The following PDCD11 variants were observed in gnomAD, a reference collection of about 807,000 sequenced individuals.
PDCD11 encodes the protein programmed cell death 11, also known as protein RRP5 homolog.
A neutral mutation model predicts 198.9 loss-of-function variants in PDCD11; 97 were observed. The ratio of observed to expected loss-of-function variants is 0.49; its 90% CI spans 0.41 to 0.58. The LOEUF is 0.58. PDCD11 is among the 20% of genes least tolerant of loss of function. The probability of loss-of-function intolerance (pLI) is 0.00; values close to 1 mark genes in which losing one functional copy is unlikely to be tolerated. For missense variants in PDCD11, 2,102 were observed against 2,312.7 expected (o/e 0.91, Z 1.87); for synonymous variants, 893 against 918.0 (o/e 0.97, Z 0.49).
chr10:103,427,282 G>A, intron 20 of PDCD11, 47 bp from the exon 21 acceptor site: 1 of 1,525,234 alleles, frequency 6.6e-7, no homozygotes, highest in Non-Finnish European at 9.1e-7. Context: ...ACAGATTACT[G>A]TGTTACAGAG....
At chr10:103,427,968 T>G (rs553784542) in intron 21 of PDCD11, among the ~76,000 whole-genome samples, 5 of 152,190 alleles carry the variant, frequency 3.3e-5, no homozygotes, top group Non-Finnish European at 2.9e-5. Context: ...TCCAGCCAGG[T>G]TGTAAATCTT....
In PDCD11 at chr10:103,442,385, C is replaced by T. The variant is rs1382879537; in HGVS notation, c.4880C>T (p.Ala1627Val). ...NSSILWLQYM[A>V]FHLQATEIEK... is the part of the protein sequence containing the mutation. ...TCCATTCTGTGGCTGCAGTACATGG[C>T]TTTCCACCTGCAGGCCACGGAGATC... The change falls in exon 32 of 36, where the codon GCT (alanine) becomes GTT (valine). Residue 1627 changes from alanine (A) to valine (V), a missense_variant. Transcript: ENST00000369797. 6.2e-7 allele frequency: 1 copy of T among 1,614,216 alleles called. No individual in the cohort carries two copies. The highest frequency in any genetic ancestry group is 8.5e-7 in the Non-Finnish European group (1 of 1,180,016).
chr10:103,407,205 T>C (rs1035930030), intron 7 of PDCD11, among the ~76,000 whole-genome samples: 12 of 152,244 alleles, frequency 7.9e-5, no homozygotes, highest in African/African-American at 2.9e-4. Flanking sequence ...AATAAGCTTC[T>C]GCTGGTATCT....
chr10:103,428,607 G>T (rs2031799472), intron 21 of PDCD11, among the ~76,000 whole-genome samples: 1 of 152,280 alleles, frequency 6.6e-6, no homozygotes, highest in South Asian at 2.1e-4. Context: ...TTAGGGTTGA[G>T]GTTAAGTAGT....
intron 30 of PDCD11, among the ~76,000 whole-genome samples, chr10:103,441,325 T>C (rs2032375503): frequency 6.6e-6 from 1 of 152,178 alleles, no homozygotes; most frequent in Non-Finnish European, 1.5e-5. Context: ...TTGTGTGATC[T>C]TGGCTCACTG....
At chr10:103,427,815 G>C (rs2031762387) in intron 21 of PDCD11, among the ~76,000 whole-genome samples, 1 of 152,164 alleles carries the variant, frequency 6.6e-6, no homozygotes, top group South Asian at 2.1e-4. Context: ...CTGAAGAGAA[G>C]GGTGTTCCAT....
intron 17 of PDCD11, 104 bp from the exon 18 acceptor site, chr10:103,422,883 TC>T: frequency 1.9e-6 from 2 of 1,068,818 alleles, no homozygotes; most frequent in Non-Finnish European, 2.5e-6. Context: ...TGTCAGTGGT[TC>T]CAGTGCTCCA....
chr10:103,399,954 G>A (rs2093455717), intron 2 of PDCD11: 1 of 152,472 alleles, frequency 6.6e-6, no homozygotes, highest in African/African-American at 2.4e-5. Context: ...GCCTCCCAAA[G>A]TGTTGGGATT....
At chr10:103,402,734 C>CCG (rs2030185816) in intron 3 of PDCD11, among the ~76,000 whole-genome samples, 2 of 150,700 alleles carry the variant, frequency 1.3e-5, no homozygotes, top group African/African-American at 2.4e-5. Context: ...CCACTGTACC[C>CCG]GGCCTATTTT....
chr10:103,437,691 T>G (rs2032208267), intron 25 of PDCD11, among the ~76,000 whole-genome samples: 2 of 152,040 alleles, frequency 1.3e-5, no homozygotes, highest in Admixed American at 6.6e-5. Flanking sequence ...GGTTTCACCG[T>G]GTTAGCCAGG....
chr10:103,401,899 C>T (rs992719231), intron 3 of PDCD11, among the ~76,000 whole-genome samples: 18 of 152,052 alleles, frequency 1.2e-4, no homozygotes, highest in African/African-American at 3.4e-4. Context: ...CCCGCCACCA[C>T]GCCCAGCTAA....
chr10:103,405,889 T>C lies in PDCD11; in HGVS notation c.565-96T>C, dbSNP rs1042020449. ...ATGTGGGAGTGGGATAGTGGCAGAG[T>C]GTGAGCTTAGTGGCAGGAACATTCA... On this transcript the variant is annotated intron_variant, in intron 5 of 35. Transcript: ENST00000369797. The C allele has an allele frequency of 5.3e-6, 7 of 1,331,866 alleles. No homozygotes were observed. In the African/African-American group the frequency reaches 8.6e-5, roughly 16 times the overall value. The allele number at this position is 1,331,866 out of a possible 1,614,324, so 82.5% of individuals were successfully genotyped here.
chr10:103,411,624 C>G (rs1336425429), intron 8 of PDCD11, among the ~76,000 whole-genome samples: 1 of 152,070 alleles, frequency 6.6e-6, no homozygotes, highest in African/African-American at 2.4e-5. Flanking sequence ...GCCTAGGCCT[C>G]CTAAAGTGCT....
At chr10:103,422,572 T>C (rs1427759805) in intron 17 of PDCD11, among the ~76,000 whole-genome samples, 4 of 152,000 alleles carry the variant, frequency 2.6e-5, no homozygotes, top group African/African-American at 4.8e-5. Flanking sequence ...TTCATTCCTT[T>C]ATTCAGCAGA....
chr10:103,430,642 T>C lies in PDCD11; in HGVS notation c.3369-1487T>C, dbSNP rs555365222. Among the ~76,000 whole-genome samples the C allele has an allele frequency of 7.9e-5, 12 of 152,202 alleles. No homozygotes were observed. The South Asian group carries it at 1.5e-3, about 18-fold the overall frequency. ...GCCAACACTCGTTATTTTCTTTTTT[T>C]TTTTTTTTTAATAGTGGCCATCCTG... On this transcript the variant is annotated intron_variant, in intron 21 of 35. Transcript: ENST00000369797.
chr10:103,411,457 C>T (rs1231455047), intron 8 of PDCD11, among the ~76,000 whole-genome samples: 1 of 152,114 alleles, frequency 6.6e-6, no homozygotes, highest in Non-Finnish European at 1.5e-5. Flanking sequence ...CCTCAACCTC[C>T]TGGGTTCAGG....
intron 8 of PDCD11, among the ~76,000 whole-genome samples, chr10:103,410,543 A>G (rs935640546): frequency 6.6e-6 from 1 of 151,868 alleles, no homozygotes; most frequent in African/African-American, 2.4e-5. Flanking sequence ...AAAATACTGG[A>G]ATATTAGGCA....
intron 17 of PDCD11, among the ~76,000 whole-genome samples, 200 bp downstream of exon 17, chr10:103,421,767 A>G (rs905835771): frequency 3.2e-4 from 48 of 151,418 alleles, no homozygotes; most frequent in African/African-American, 9.7e-4. Context: ...GATCGAGACC[A>G]TCCTGGCTAA....
At position 103,425,534 on chromosome 10, in the gene PDCD11, G is replaced by A. The variant is rs751307922; in HGVS notation, c.3305+9G>A. ...GACATGAAGACATTCAAGTATGGAG[G>A]CTCTGGGGGTGGGCTGGCTTCGAGG... On this transcript the variant is annotated intron_variant, in intron 20 of 35. Coordinates refer to ENST00000369797, the MANE Select transcript of PDCD11 (RefSeq NM_014976.2). 1.3e-6 allele frequency: 2 copies of A among 1,595,118 alleles called. No individual in the cohort carries two copies. Among genetic ancestry groups the A allele is most frequent in the South Asian group, 1.1e-5 (1 of 90,030 alleles).
Sources: allele counts gnomAD v4.1 joint callset (sites outside exome capture counted in the v4.1 genomes callset), GRCh38; gene constraint gnomAD v4.1.1; transcripts MANE v1.5; gene names NCBI Gene and HGNC (gene_info 2026-07-23, HGNC 2026-07-21).